The following MTM1 variants were observed in gnomAD, a reference collection of about 807,000 sequenced individuals.
MTM1 encodes the protein myotubularin 1.
MTM1 carries 9 observed loss-of-function variants against 52.1 expected under a neutral mutation model. The observed-to-expected ratio is 0.17, with a 90% CI of 0.10 to 0.30. The LOEUF is 0.30. Ranked by LOEUF, MTM1 falls within the 10% of genes least tolerant of loss-of-function variation. The probability of loss-of-function intolerance (pLI) is 1.00; values close to 1 mark genes in which losing one functional copy is unlikely to be tolerated. For synonymous variants in MTM1, 136 were observed against 163.8 expected, an observed-to-expected ratio of 0.83 and a Z score of 1.29; for missense variants, 277 against 470.7, an observed-to-expected ratio of 0.59 and a Z score of 3.81.
At chrX:150,658,596 A>T (rs987503632) in intron 11 of MTM1, among the ~76,000 whole-genome samples, 13 of 111,152 alleles carry the variant, frequency 1.2e-4, no homozygotes, top group Non-Finnish European at 1.3e-4. Flanking sequence ...AAAATTTTTT[A>T]AAATAACCCC....
intron 4 of MTM1, among the ~76,000 whole-genome samples, chrX:150,603,157 G>A (rs1306298877): frequency 8.9e-6 from 1 of 111,863 alleles, no homozygotes; most frequent in Non-Finnish European, 1.9e-5. Flanking sequence ...GTGTCTATAT[G>A]GTACTTTTCT....
intron 4 of MTM1, among the ~76,000 whole-genome samples, chrX:150,608,922 C>T (rs782357262): frequency 9.2e-6 from 1 of 109,058 alleles, no homozygotes; most frequent in East Asian, 2.9e-4. Context: ...CTCCGCCTCC[C>T]GTGTTCAAGC....
At chrX:150,593,940 T>G (rs1179694904) in intron 2 of MTM1, among the ~76,000 whole-genome samples, 1 of 110,512 alleles carries the variant, frequency 9.0e-6, no homozygotes, top group Non-Finnish European at 1.9e-5. Context: ...CACTCCAGCC[T>G]GGGCGACAGA....
chrX:150,629,945 A>G (rs189336675), intron 6 of MTM1, among the ~76,000 whole-genome samples: 115 of 111,734 alleles, frequency 1.0e-3, no homozygotes, highest in Middle Eastern at 4.7e-3. Context: ...TCATGTACCT[A>G]TTTCCATCCA....
chrX:150,656,289 C>G (rs1206780627), intron 10 of MTM1, among the ~76,000 whole-genome samples: 3 of 111,134 alleles, frequency 2.7e-5, no homozygotes, highest in Non-Finnish European at 5.7e-5. Context: ...GTAGTGTGGG[C>G]TCTTACTTTG....
At chrX:150,656,693 C>T (rs946202608) in intron 10 of MTM1, among the ~76,000 whole-genome samples, 2 of 111,588 alleles carry the variant, frequency 1.8e-5, no homozygotes, top group African/African-American at 6.5e-5. Context: ...AACAGGCAAC[C>T]TACAGAATGG....
At chrX:150,564,426 AGGCT>A (rs1306140628), upstream of MTM1, among the ~76,000 whole-genome samples, 3 of 111,677 alleles carry the variant, frequency 2.7e-5, no homozygotes, top group Admixed American at 2.9e-4. Context: ...CTCTGTCGCC[AGGCT>A]GGAGTGCAGT....
At chrX:150,616,093 CT>C (rs1557413136) in intron 5 of MTM1, among the ~76,000 whole-genome samples, 2 of 111,216 alleles carry the variant, frequency 1.8e-5, no homozygotes. Flanking sequence ...TATTTTCTGC[CT>C]TATAATAGGA....
At chrX:150,583,603 ATATAAT>A (rs2038687046) in intron 1 of MTM1, among the ~76,000 whole-genome samples, 1 of 34,100 alleles carries the variant, frequency 2.9e-5, no homozygotes, top group Non-Finnish European at 4.4e-5. Flanking sequence ...TATATATAAT[ATATAAT>A]TTATATATAT....
chrX:150,622,640 A>T (rs889693411), intron 6 of MTM1, among the ~76,000 whole-genome samples: 2 of 112,229 alleles, frequency 1.8e-5, no homozygotes, highest in Non-Finnish European at 3.8e-5. Context: ...GACCACATCT[A>T]ACCAAAATTG....
At chrX:150,654,223 C>T (rs1046534793) in intron 10 of MTM1, among the ~76,000 whole-genome samples, 2 of 111,977 alleles carry the variant, frequency 1.8e-5, no homozygotes, top group Non-Finnish European at 3.8e-5. Flanking sequence ...TTAATTGGAA[C>T]ACAGCTAACA....
intron 4 of MTM1, among the ~76,000 whole-genome samples, chrX:150,608,110 T>C (rs1344924413): frequency 9.0e-6 from 1 of 111,464 alleles, no homozygotes; most frequent in African/African-American, 3.3e-5. Context: ...ACAGTATGGC[T>C]GAGTTGGGGG....
chrX:150,595,621 C>G (rs1358229594), intron 2 of MTM1, among the ~76,000 whole-genome samples: 1 of 112,438 alleles, frequency 8.9e-6, no homozygotes, highest in African/African-American at 3.2e-5. Context: ...TTTGCCCAAA[C>G]AGATGTTAGT....
chrX:150,584,780 G>C (rs782209945), intron 1 of MTM1, among the ~76,000 whole-genome samples: 1 of 111,719 alleles, frequency 9.0e-6, no homozygotes, highest in South Asian at 3.8e-4. Flanking sequence ...AAATGGCATA[G>C]TATTTGCATA....
chrX:150,639,955 A>G (rs1359126463), intron 7 of MTM1, among the ~76,000 whole-genome samples: 1 of 112,200 alleles, frequency 8.9e-6, no homozygotes, highest in East Asian at 2.8e-4. Flanking sequence ...AACGGTTTGC[A>G]TATTCATGAA....
rs1340941327 is a variant in MTM1 at position 150,671,854 on chromosome X, A to G, written c.*259A>G. On this transcript the variant is annotated 3_prime_UTR_variant, in exon 15 of 15. Transcript: ENST00000370396. Reference sequence around the variant, plus strand: ...TTAAAAAGCAGTTTTTGAAAGACAAAATTTAGATTTAATTTACGTCTTGAG... The same window carrying G: ...TTAAAAAGCAGTTTTTGAAAGACAAGATTTAGATTTAATTTACGTCTTGAG... 2.6e-6 allele frequency: 1 copy of G among 390,710 alleles called. No homozygotes were observed. The highest frequency in any genetic ancestry group is 4.4e-6 in the Non-Finnish European group (1 of 225,830). The allele number at this position is 390,710 out of a possible 1,213,427, so 32.2% of individuals were successfully genotyped here. A position where few individuals can be genotyped will look rare whatever the true frequency, so the allele number is the denominator to read the frequency against.
chrX:150,654,425 A>G (rs2040077188), intron 10 of MTM1, among the ~76,000 whole-genome samples: 1 of 110,867 alleles, frequency 9.0e-6, no homozygotes, highest in Non-Finnish European at 1.9e-5. Context: ...AAAATTGTAA[A>G]CAGGATTTCA....
chrX:150,600,948 C>T (rs1557412732), intron 4 of MTM1, among the ~76,000 whole-genome samples: 1 of 111,001 alleles, frequency 9.0e-6, no homozygotes, highest in Non-Finnish European at 1.9e-5. Flanking sequence ...ACCTCAACTA[C>T]GAAAAACAAA....
upstream of MTM1, among the ~76,000 whole-genome samples, chrX:150,566,156 G>C (rs1389617092): frequency 1.3e-4 from 15 of 111,172 alleles, no homozygotes; most frequent in Admixed American, 9.5e-4. Flanking sequence ...TTTGTTTTGA[G>C]ATGGAATCTC....
Sources: gnomAD v4.1 joint callset for allele counts (sites outside exome capture counted in the v4.1 genomes callset) on GRCh38, gnomAD v4.1.1 for gene constraint, MANE v1.5 for transcripts, NCBI Gene and HGNC (gene_info 2026-07-23, HGNC 2026-07-21) for gene names.